Variants in OVCH1 observed in about 807,000 individuals in gnomAD.
OVCH1 encodes ovochymase 1, also known as ovochymase-1.
A neutral mutation model predicts 138.4 loss-of-function variants in OVCH1; 139 were observed. The observed-to-expected ratio is 1.00, with a 90% CI of 0.87 to 1.16. The LOEUF (loss-of-function observed/expected upper bound fraction) is 1.16. OVCH1 is among the 50% of genes most tolerant of loss of function. The probability of loss-of-function intolerance (pLI) is 0.00; values close to 1 mark genes in which losing one functional copy is unlikely to be tolerated. For synonymous variants in OVCH1, 453 were observed against 467.8 expected, an observed-to-expected ratio of 0.97 and a Z score of 0.41; for missense variants, 1,367 against 1,357.9, an observed-to-expected ratio of 1.01 and a Z score of -0.11.
chr12:29,408,917 G>C (rs1357667910), downstream of OVCH1, among the ~76,000 whole-genome samples: 1 of 152,184 alleles, frequency 6.6e-6, no homozygotes, highest in Admixed American at 6.5e-5. Context: ...AGTAGAATTT[G>C]GCTGTGAATC....
rs551157770 is a variant in OVCH1, at chr12:29,476,182, A to AT, written c.1471+23dup. On this transcript the variant is annotated intron_variant, in intron 13 of 27. Coordinates refer to ENST00000318184, the Ensembl canonical transcript of OVCH1. The stretch of plus-strand genomic sequence containing the variant: ...ACTCTGATTCGTCTAACACTTTCAT[A>AT]TTTAAAGGGTGAAGTCTACCTACCT... 3.7e-3 allele frequency: 5,865 copies of AT among 1,574,494 alleles called. 13 individuals carry two copies. Among genetic ancestry groups the AT allele is most frequent in the Non-Finnish European group, 4.0e-3 (4,530 of 1,144,088 alleles).
At chr12:29,404,640 T>C in the OVCH1 span, among the ~76,000 whole-genome samples, 2 of 152,100 alleles carry the variant, frequency 1.3e-5, no homozygotes, top group African/African-American at 4.8e-5. Flanking sequence ...CAGGTGATGG[T>C]TTTCAGTGAC....
chr12:29,405,055 AAC>A, the OVCH1 span, among the ~76,000 whole-genome samples: 537 of 115,638 alleles, frequency 4.6e-3, 50 homozygotes, highest in East Asian at 6.2e-3. Context: ...AAAAAAAAAA[AAC>A]AAAAGAAATG....
chr12:29,453,886 C>T (rs942642923), intron 21 of OVCH1, among the ~76,000 whole-genome samples: 5 of 152,230 alleles, frequency 3.3e-5, no homozygotes, highest in Admixed American at 6.6e-5. Context: ...TCTCAGGGGG[C>T]CTTTATGCTA....
chr12:29,417,529 A>G (rs539732552), intron 3 of OVCH1, among the ~76,000 whole-genome samples: 2 of 151,684 alleles, frequency 1.3e-5, no homozygotes, highest in South Asian at 4.2e-4. Context: ...AATGTTCTAT[A>G]TCTTGATTGT....
At chr12:29,440,318 G>T (rs1165128136) in intron 25 of OVCH1, among the ~76,000 whole-genome samples, 1 of 152,154 alleles carries the variant, frequency 6.6e-6, no homozygotes, top group Non-Finnish European at 1.5e-5. Flanking sequence ...GTAAAGAACA[G>T]ATATACAGTT....
At chr12:29,454,615 C>T (rs1184745918) in intron 21 of OVCH1, among the ~76,000 whole-genome samples, 1 of 152,126 alleles carries the variant, frequency 6.6e-6, no homozygotes, top group Non-Finnish European at 1.5e-5. Flanking sequence ...CACTGGTTCA[C>T]AACCACAAGA....
chr12:29,418,888 T>TAG (rs1278927266), intron 3 of OVCH1, among the ~76,000 whole-genome samples: 7 of 152,234 alleles, frequency 4.6e-5, no homozygotes, highest in Non-Finnish European at 7.3e-5. Context: ...AGATATGGTA[T>TAG]TGCACTATCA....
In OVCH1 at chr12:29,472,142, G is replaced by A. The variant is rs539257421; in HGVS notation, c.1676-160C>T. 7.5e-4 allele frequency among the ~76,000 whole-genome samples: 114 copies of A among 152,270 alleles called. 1 individual carries two copies. The Middle Eastern group carries it at 0.031, about 41-fold the overall frequency. On this transcript the variant is annotated intron_variant, in intron 15 of 27. Transcript: ENST00000318184. ...TCACCTCTGAAAAATCTGATTTTAAGAAGCCTTCCCAGACTATGCTAGGCA... is the reference window on the plus strand; with the variant it reads ...TCACCTCTGAAAAATCTGATTTTAAAAAGCCTTCCCAGACTATGCTAGGCA...
chr12:29,422,490 CCTA>C (rs1565563263), intron 3 of OVCH1, among the ~76,000 whole-genome samples: 1 of 152,122 alleles, frequency 6.6e-6, no homozygotes, highest in African/African-American at 2.4e-5. Flanking sequence ...AAGAGGACCT[CCTA>C]CTAACAAATT....
At chr12:29,485,076 G>C (rs1943050129) in intron 8 of OVCH1, among the ~76,000 whole-genome samples, 1 of 151,968 alleles carries the variant, frequency 6.6e-6, no homozygotes, top group East Asian at 1.9e-4. Context: ...CTCTTTCTAG[G>C]CTGTCTTGGG....
exon 2 of OVCH1, chr12:29,496,563 G>T (rs769861081): frequency 6.2e-6 from 10 of 1,600,052 alleles, no homozygotes; most frequent in Non-Finnish European, 7.7e-6. Flanking sequence ...GACCTGCCAT[G>T]GATGTCCAGT....
At chr12:29,453,830 C>T (rs143518428) in intron 21 of OVCH1, among the ~76,000 whole-genome samples, 12 of 152,230 alleles carry the variant, frequency 7.9e-5, no homozygotes, top group Non-Finnish European at 1.5e-4. Context: ...AAACATACAA[C>T]TAAGCTAACT....
chr12:29,477,367 A>C (rs1942775393), exon 11 of OVCH1: 1 of 1,613,876 alleles, frequency 6.2e-7, no homozygotes, highest in African/African-American at 1.3e-5. Flanking sequence ...TACAGCAGTA[A>C]CGGTAAGCTC....
intron 4 of OVCH1, among the ~76,000 whole-genome samples, chr12:29,493,556 C>T (rs1001210936): frequency 9.2e-5 from 14 of 152,186 alleles, no homozygotes; most frequent in Middle Eastern, 3.4e-3. Flanking sequence ...TGTCTCTTAT[C>T]GTCACTGTCT....
downstream of OVCH1, among the ~76,000 whole-genome samples, chr12:29,423,789 C>T (rs1228466421): frequency 3.3e-5 from 5 of 152,168 alleles, no homozygotes; most frequent in East Asian, 1.9e-4. Flanking sequence ...CTCAGAAATC[C>T]GAGAAAGAAA....
chr12:29,469,013 A>G (rs1942413560), intron 16 of OVCH1, among the ~76,000 whole-genome samples: 4 of 152,158 alleles, frequency 2.6e-5, no homozygotes, highest in Admixed American at 2.6e-4. Flanking sequence ...TTACAAAAGG[A>G]TGAGGGAGTG....
At chr12:29,454,154 A>T (rs1429672753) in intron 21 of OVCH1, among the ~76,000 whole-genome samples, 1 of 148,892 alleles carries the variant, frequency 6.7e-6, no homozygotes, top group Non-Finnish European at 1.5e-5. Flanking sequence ...TGCTCCTAAG[A>T]CCATCGCCTC....
chr12:29,444,210 A>G (rs764928114), exon 24 of OVCH1: 37 of 1,612,412 alleles, frequency 2.3e-5, no homozygotes, highest in Non-Finnish European at 3.1e-5. Context: ...TCAGAAGAAC[A>G]TCCTCACAAG....
Sources: allele counts gnomAD v4.1 joint callset (sites outside exome capture counted in the v4.1 genomes callset), GRCh38; gene constraint gnomAD v4.1.1; transcripts MANE v1.5; gene names NCBI Gene and HGNC (gene_info 2026-07-23, HGNC 2026-07-21).